The following CNTNAP2 variants were observed in gnomAD, a reference collection of about 807,000 sequenced individuals.
CNTNAP2 encodes contactin associated protein 2, also known as contactin-associated protein-like 2.
Under a neutral mutation model 155.2 loss-of-function variants are expected in CNTNAP2, and 98 were observed. That is an observed-to-expected ratio of 0.63 (90% CI 0.54 to 0.75). The LOEUF is 0.75. Among genes scored for constraint, CNTNAP2 ranks in the 30% least tolerant of loss-of-function variants. The pLI is 0.00. For missense variants in CNTNAP2, 1,727 were observed against 1,688.1 expected, an observed-to-expected ratio of 1.02 and a Z score of -0.40; for synonymous variants, 651 against 631.2, an observed-to-expected ratio of 1.03 and a Z score of -0.47.
chr7:146,801,363 A>G (rs1465206800), intron 2 of CNTNAP2, among the ~76,000 whole-genome samples: 1 of 152,144 alleles, frequency 6.6e-6, no homozygotes, highest in South Asian at 2.1e-4. Context: ...ACATTTCCAG[A>G]TGAGATTTGC....
chr7:147,965,249 CT>C (rs1801187508), intron 14 of CNTNAP2, among the ~76,000 whole-genome samples: 1 of 152,090 alleles, frequency 6.6e-6, no homozygotes, highest in Admixed American at 6.6e-5. Context: ...ATATTCATGA[CT>C]TTTTACTGCC....
intron 13 of CNTNAP2, among the ~76,000 whole-genome samples, chr7:147,730,693 G>T (rs1796724341): frequency 6.6e-6 from 1 of 151,986 alleles, no homozygotes; most frequent in African/African-American, 2.4e-5. Context: ...GTGAAAAAAA[G>T]AGTCACACAT....
At chr7:146,496,891 A>G (rs1797223683) in intron 1 of CNTNAP2, among the ~76,000 whole-genome samples, 1 of 152,204 alleles carries the variant, frequency 6.6e-6, no homozygotes, top group South Asian at 2.1e-4. Flanking sequence ...GCATCTGTTA[A>G]TGTGTTCTCA....
chr7:146,365,722 T>A (rs1795146189), intron 1 of CNTNAP2, among the ~76,000 whole-genome samples: 1 of 152,192 alleles, frequency 6.6e-6, no homozygotes, highest in Non-Finnish European at 1.5e-5. Context: ...TGTGTTTTCT[T>A]TAAATTAATC....
chr7:147,640,963 A>G (rs1795264679), intron 13 of CNTNAP2, among the ~76,000 whole-genome samples: 1 of 152,178 alleles, frequency 6.6e-6, no homozygotes, highest in African/African-American at 2.4e-5. Flanking sequence ...TTAATATGCA[A>G]AGGCAGGGCG....
intron 13 of CNTNAP2, among the ~76,000 whole-genome samples, chr7:147,889,027 A>G (rs992368): frequency 0.023 from 3,440 of 152,230 alleles, 155 homozygotes; most frequent in East Asian, 0.19. Flanking sequence ...AAGGAACAGA[A>G]ACAAGCTATA....
intron 3 of CNTNAP2, among the ~76,000 whole-genome samples, chr7:146,932,420 A>G (rs922101191): frequency 6.6e-6 from 1 of 151,862 alleles, no homozygotes; most frequent in Non-Finnish European, 1.5e-5. Flanking sequence ...TAAATTAGGT[A>G]TTGATGGGAT....
intron 13 of CNTNAP2, among the ~76,000 whole-genome samples, chr7:147,777,079 T>C (rs922869177): frequency 2.0e-5 from 3 of 152,140 alleles, no homozygotes; most frequent in Non-Finnish European, 4.4e-5. Context: ...AAGTATTGCT[T>C]TATGATGACT....
chr7:147,753,736 A>T (rs1797174488), intron 13 of CNTNAP2, among the ~76,000 whole-genome samples: 1 of 152,210 alleles, frequency 6.6e-6, no homozygotes, highest in Non-Finnish European at 1.5e-5. Flanking sequence ...AATTCACTAC[A>T]TGGAATTTAG....
chr7:146,434,204 C>T (rs2129117643), intron 1 of CNTNAP2, among the ~76,000 whole-genome samples: 1 of 152,188 alleles, frequency 6.6e-6, no homozygotes, highest in Non-Finnish European at 1.5e-5. Flanking sequence ...AGAAGCTATT[C>T]ATGAGAGAAT....
intron 1 of CNTNAP2, among the ~76,000 whole-genome samples, chr7:146,514,870 C>T (rs1797517814): frequency 6.6e-6 from 1 of 152,004 alleles, no homozygotes; most frequent in Middle Eastern, 3.2e-3. Flanking sequence ...TAGAGGTGTA[C>T]TGTATAGTTT....
At chr7:147,012,634 A>G (rs1798648699) in intron 3 of CNTNAP2, among the ~76,000 whole-genome samples, 1 of 152,170 alleles carries the variant, frequency 6.6e-6, no homozygotes, top group Admixed American at 6.5e-5. Context: ...GTTGATCAGT[A>G]TGAAACTTGA....
intron 15 of CNTNAP2, among the ~76,000 whole-genome samples, chr7:147,985,213 A>G (rs995000179): frequency 1.3e-5 from 2 of 151,570 alleles, no homozygotes; most frequent in Admixed American, 1.3e-4. Context: ...CCTCAACAGA[A>G]TTCCTCTTCT....
chr7:147,502,741 G>GTATATA (rs71183011), intron 11 of CNTNAP2, among the ~76,000 whole-genome samples: 12,223 of 99,614 alleles, frequency 0.12, 717 homozygotes, highest in Non-Finnish European at 0.17. Context: ...GTGTGTGTGT[G>GTATATA]TATATATATA....
chr7:147,322,140 A>C (rs2116822363), intron 9 of CNTNAP2, among the ~76,000 whole-genome samples: 1 of 152,266 alleles, frequency 6.6e-6, no homozygotes. Context: ...GCATCAAAAG[A>C]TATGGGGTGA....
chr7:148,100,493 C>A (rs894360711), intron 15 of CNTNAP2, among the ~76,000 whole-genome samples: 2 of 151,872 alleles, frequency 1.3e-5, no homozygotes, highest in African/African-American at 4.9e-5. Context: ...GGCACATAAA[C>A]AATGCACACA....
Position 146,330,313 on chromosome 7 carries a change from C to T in CNTNAP2, c.97+213340C>T, listed in dbSNP as rs557279154. Among the ~76,000 whole-genome samples the T allele has an allele frequency of 9.2e-5, 14 of 152,252 alleles. No homozygotes were observed. In the East Asian group the frequency reaches 1.9e-3, roughly 21 times the overall value. The stretch of plus-strand genomic sequence containing the variant: ...CTGGGATTACAGGCGTGAGCCACTG[C>T]GCCCGGCTCGACAAGTACTTTCTTA... On this transcript the variant is annotated intron_variant, in intron 1 of 23. Coordinates refer to ENST00000361727, the MANE Select transcript of CNTNAP2 (RefSeq NM_014141.6).
chr7:146,382,018 G>T (rs1795397099), intron 1 of CNTNAP2, among the ~76,000 whole-genome samples: 1 of 152,170 alleles, frequency 6.6e-6, no homozygotes, highest in Non-Finnish European at 1.5e-5. Flanking sequence ...AGTTGTGGTT[G>T]AGTTTCTTCA....
chr7:146,303,077 T>C (rs1175796626), intron 1 of CNTNAP2, among the ~76,000 whole-genome samples: 1 of 96,414 alleles, frequency 1.0e-5, no homozygotes, highest in African/African-American at 1.9e-4. Flanking sequence ...TGTGCATGTG[T>C]GTGTGTGTGT....
Sources: gnomAD v4.1 joint callset for allele counts (sites outside exome capture counted in the v4.1 genomes callset) on GRCh38, gnomAD v4.1.1 for gene constraint, MANE v1.5 for transcripts, NCBI Gene and HGNC (gene_info 2026-07-23, HGNC 2026-07-21) for gene names.